Variants in NFASC observed in about 807,000 individuals in gnomAD.
NFASC encodes neurofascin homolog.
Under a neutral mutation model 147.5 loss-of-function variants are expected in NFASC, and 43 were observed. The ratio of observed to expected loss-of-function variants is 0.29; its 90% CI spans 0.23 to 0.38. The LOEUF is 0.38. Among genes scored for constraint, NFASC ranks in the 10% least tolerant of loss-of-function variants. NFASC has a pLI of 1.00. For synonymous variants in NFASC, 622 were observed against 665.5 expected (o/e 0.93, Z 1.01); for missense variants, 1,320 against 1,689.0 (o/e 0.78, Z 3.83).
rs2095633070 is a variant in NFASC, at chr1:204,987,200, T to G, written c.2471-218T>G. 1.8e-6 allele frequency: 1 copy of G among 567,652 alleles called. No homozygotes were observed. The allele number at this position is 567,652 out of a possible 1,614,324, so 35.2% of individuals were successfully genotyped here. A position where few individuals can be genotyped will look rare whatever the true frequency, so the allele number is the denominator to read the frequency against. On this transcript the variant is annotated intron_variant, in intron 21 of 29. Transcript: ENST00000339876. This position sits in a 1 kb window ranked among gnomAD's most constrained non-coding sequence, Gnocchi z 4.4. ...TCTTCCTCTCTTAAATAGCAGAGTC[T>G]GAGCTATGTTTGTCCTCAGACCTGA...
At chr1:204,884,055 T>C (rs57551765) in intron 1 of NFASC, among the ~76,000 whole-genome samples, 2 of 152,108 alleles carry the variant, frequency 1.3e-5, no homozygotes, top group Non-Finnish European at 2.9e-5. Flanking sequence ...AAGTATTAAG[T>C]TGACGTTGGG....
chr1:204,882,952 C>G (rs1160982665), intron 1 of NFASC, among the ~76,000 whole-genome samples: 1 of 151,944 alleles, frequency 6.6e-6, no homozygotes, highest in Non-Finnish European at 1.5e-5. Context: ...GTATTCTTTC[C>G]TTTGGAATAC....
chr1:204,838,640 G>C (rs1674460615), intron 1 of NFASC, among the ~76,000 whole-genome samples: 1 of 152,188 alleles, frequency 6.6e-6, no homozygotes, highest in East Asian at 1.9e-4. Flanking sequence ...AAAGCTGGCT[G>C]TGGGGTGAGG....
At chr1:204,959,554 G>A (rs11576667) in intron 8 of NFASC, among the ~76,000 whole-genome samples, 7,577 of 152,096 alleles carry the variant, frequency 0.05, 275 homozygotes, top group East Asian at 0.18. Context: ...GGAGGAGCAG[G>A]GATGTCAAGA....
At chr1:204,888,478 C>T (rs537539680) in intron 1 of NFASC, among the ~76,000 whole-genome samples, 1 of 152,248 alleles carries the variant, frequency 6.6e-6, no homozygotes, top group African/African-American at 2.4e-5. Context: ...TTGGTCATTT[C>T]AAACTAACTG....
chr1:204,894,666 T>TA (rs942112935), intron 1 of NFASC, among the ~76,000 whole-genome samples: 1 of 152,184 alleles, frequency 6.6e-6, no homozygotes, highest in African/African-American at 2.4e-5. Flanking sequence ...TTTTACCACC[T>TA]ATTCCCCTTT....
chr1:204,987,851 GGA>G lies in NFASC; in HGVS notation c.2593+319_2593+320del, dbSNP rs2095647797. 6.6e-6 allele frequency among the ~76,000 whole-genome samples: 1 copy of G among 152,216 alleles called. No homozygotes were observed. Among genetic ancestry groups the G allele is most frequent in the African/African-American group, 2.4e-5 (1 of 41,450 alleles). ...TAGTCTCCAACACGTACAGAGTCTA[GGA>G]GAGAGAGTTCCTCAAGCTCTGGAGC... is the stretch of plus-strand genomic sequence containing the variant. On this transcript the variant is annotated intron_variant, in intron 22 of 29. Transcript: ENST00000339876. This position sits in a 1 kb window ranked among gnomAD's most constrained non-coding sequence, Gnocchi z 4.4.
rs2095420527 is a variant in NFASC at position 204,977,002 on chromosome 1, G to A, written c.1831+207G>A. On this transcript the variant is annotated intron_variant, in intron 16 of 29. Transcript: ENST00000339876. ...TGCTGGACAGGTTACCTCCTGAGTG[G>A]AGTCATTAACTTCCCCACGTCTCAA... 3.0e-6 allele frequency: 4 copies of A among 1,319,818 alleles called. 1 individual carries two copies. In the South Asian group the frequency reaches 8.9e-5, roughly 29 times the overall value. The allele number at this position is 1,319,818 out of a possible 1,614,324, so 81.8% of individuals were successfully genotyped here. A position where few individuals can be genotyped will look rare whatever the true frequency, so the allele number is the denominator to read the frequency against.
chr1:204,950,690 C>T lies in NFASC; in HGVS notation c.109+116C>T, dbSNP rs899328682. On this transcript the variant is annotated intron_variant, in intron 4 of 29. Transcript: ENST00000339876. ...GACTTCTGCTGGGGCCTCTTCATACCAGAGCCCTGTAGTGAGGTATCTTAC... is the reference window on the plus strand; with the variant it reads ...GACTTCTGCTGGGGCCTCTTCATACTAGAGCCCTGTAGTGAGGTATCTTAC... 1.1e-5 allele frequency: 10 copies of T among 920,686 alleles called. No homozygotes were observed. The African/African-American group carries it at 1.5e-4, about 14-fold the overall frequency. The allele number at this position is 920,686 out of a possible 1,614,324, so 57.0% of individuals were successfully genotyped here. A position where few individuals can be genotyped will look rare whatever the true frequency, so the allele number is the denominator to read the frequency against.
At chr1:204,871,093 C>G (rs2077601624) in intron 1 of NFASC, 5 of 1,289,776 alleles carry the variant, frequency 3.9e-6, no homozygotes, top group Non-Finnish European at 1.0e-6. Flanking sequence ...ACTCTGCCCT[C>G]CCTCTTGGCC....
Position 204,952,452 on chromosome 1 carries a change from G to T in NFASC, c.215+336G>T, listed in dbSNP as rs2094178254. On this transcript the variant is annotated intron_variant, in intron 5 of 29. Coordinates refer to ENST00000339876, the MANE Select transcript of NFASC (RefSeq NM_001005388.3). ...AAGTTCCTTTTCCAAGCCAACTTGA[G>T]TCTTTCATTCTGAGCTTGCCTCTAC... Among the ~76,000 whole-genome samples, 6 of 147,542 alleles carry T rather than the reference G, an allele frequency of 4.1e-5. No homozygotes were observed. In the South Asian group the frequency reaches 1.3e-3, roughly 31 times the overall value.
At chr1:204,870,221 C>T (rs2077481318) in intron 1 of NFASC, among the ~76,000 whole-genome samples, 1 of 152,146 alleles carries the variant, frequency 6.6e-6, no homozygotes, top group African/African-American at 2.4e-5. Flanking sequence ...GGGCCACACG[C>T]ATGGCTGTAA....
chr1:204,992,750 C>G (rs2095763043), intron 24 of NFASC, among the ~76,000 whole-genome samples: 1 of 152,228 alleles, frequency 6.6e-6, no homozygotes. Flanking sequence ...CCGTCCACCT[C>G]CCCTGTTCTG....
chr1:204,982,086 A>C, intron 21 of NFASC, 66 bp downstream of exon 21: 1 of 1,088,660 alleles, frequency 9.2e-7, no homozygotes, highest in Non-Finnish European at 1.3e-6. Flanking sequence ...GGCCACGCTC[A>C]CAGGCCAGGA....
Position 204,968,272 on chromosome 1 carries a change from C to G in NFASC, c.730C>G (p.Pro244Ala). 1 of 1,614,142 alleles carries G rather than the reference C, an allele frequency of 6.2e-7. No homozygotes were observed. The highest frequency in any genetic ancestry group is 8.5e-7 in the Non-Finnish European group (1 of 1,179,974). ...AGCCCGAGGAGTTGCAGAAAGAACA[C>G]CAAGCTTCATGTATCCCCAGGGCAC... The part of the protein sequence containing the change: ...LTTRGVAERT[P>A]SFMYPQGTAS... The change falls in exon 9 of 30, where the codon CCA becomes GCA. Residue 244 changes from proline to alanine, a missense_variant. This residue lies in a region of NFASC where 981 missense variants were observed against 1,289.5 expected (regional missense o/e 0.76). Coordinates refer to ENST00000339876, the MANE Select transcript of NFASC (RefSeq NM_001005388.3). The surrounding 1 kb of genome is among the most constrained non-coding windows in gnomAD (Gnocchi z 5.4).
intron 7 of NFASC, among the ~76,000 whole-genome samples, chr1:204,955,612 C>T (rs1412656442): frequency 2.0e-5 from 3 of 152,122 alleles, no homozygotes; most frequent in Admixed American, 2.0e-4. Flanking sequence ...TTCATCCTCT[C>T]CGGACCTCAG....
intron 8 of NFASC, among the ~76,000 whole-genome samples, chr1:204,962,317 T>G (rs905875425): frequency 1.3e-5 from 2 of 152,202 alleles, no homozygotes; most frequent in African/African-American, 4.8e-5. Context: ...GGAGGCAGTG[T>G]GGGGGTTTGA....
rs1192880227 is a variant in NFASC at position 204,987,512 on chromosome 1, G to A, written c.2565G>A (p.Met855Ile). 1.9e-6 allele frequency: 3 copies of A among 1,613,962 alleles called. No individual in the cohort carries two copies. Among genetic ancestry groups the A allele is most frequent in the Non-Finnish European group, 2.5e-6 (3 of 1,179,902 alleles). Residue 855 changes from methionine (M) to isoleucine (I), a missense_variant, in exon 22 of 30, where the codon ATG (methionine) becomes ATA (isoleucine). Physicochemically the swap from Met to Ile is conservative, Grantham distance 10. This residue lies in a region of NFASC where 981 missense variants were observed against 1,289.5 expected (regional missense o/e 0.76). Coordinates refer to ENST00000339876, the MANE Select transcript of NFASC (RefSeq NM_001005388.3). The surrounding 1 kb of genome is among the most constrained non-coding windows in gnomAD (Gnocchi z 4.4). ...ATCCTGAGCATCCAAATGGGATCAT[G>A]ATTGGATACACTCTCAAATATGTGG... is the stretch of plus-strand genomic sequence containing the variant. ...WDHPEHPNGIMIGYTLKYVAF... is the reference protein window; with the variant it reads ...WDHPEHPNGIIIGYTLKYVAF...
In NFASC at chr1:204,979,591, C is replaced by T. The variant is rs778537090; in HGVS notation, c.2176+32C>T. 1.3e-5 allele frequency: 21 copies of T among 1,594,540 alleles called. No homozygotes were observed. Among genetic ancestry groups the T allele is most frequent in the East Asian group, 6.7e-5 (3 of 44,766 alleles). ...ACCCGAGGGCTGCCAGAGAAGGCTC[C>T]GGAACCCCGCACCCCAAACTCACAC... On this transcript the variant is annotated intron_variant, in intron 19 of 29. Coordinates refer to ENST00000339876, the MANE Select transcript of NFASC (RefSeq NM_001005388.3). This position sits in a 1 kb window ranked among gnomAD's most constrained non-coding sequence, Gnocchi z 6.0.
Sources: gnomAD v4.1 joint callset for allele counts (sites outside exome capture counted in the v4.1 genomes callset) on GRCh38, gnomAD v4.1.1 for gene constraint, gnomAD v4.1.1 regional missense constraint, Gnocchi (gnomAD v3.1) non-coding constraint, MANE v1.5 for transcripts, NCBI Gene and HGNC (gene_info 2026-07-23, HGNC 2026-07-21) for gene names.